Variants in EIF3H observed in about 807,000 individuals in gnomAD.
EIF3H encodes eIF-3-gamma.
In EIF3H, 26 loss-of-function variants were observed where a neutral mutation model predicts 44.2. That is an observed-to-expected ratio of 0.59 (90% CI 0.43 to 0.82). The LOEUF (loss-of-function observed/expected upper bound fraction) is 0.82, where lower values mean the gene tolerates loss of function less well. Among genes scored for constraint, EIF3H ranks in the 40% least tolerant of loss-of-function variants. The probability of loss-of-function intolerance (pLI) is 0.00; values close to 1 mark genes in which losing one functional copy is unlikely to be tolerated. For synonymous variants in EIF3H, 166 were observed against 151.9 expected, an observed-to-expected ratio of 1.09 and a Z score of -0.68; for missense variants, 359 against 432.8, an observed-to-expected ratio of 0.83 and a Z score of 1.51.
intron 5 of EIF3H, among the ~76,000 whole-genome samples, 192 bp downstream of exon 5, chr8:116,655,664 T>A (rs1382269514): frequency 3.9e-5 from 6 of 152,176 alleles, no homozygotes; most frequent in Non-Finnish European, 7.4e-5. Context: ...ATGTGTTGTT[T>A]CATGTTATCA....
At chr8:116,651,823 T>C (rs1813399194) in intron 5 of EIF3H, among the ~76,000 whole-genome samples, 1 of 152,154 alleles carries the variant, frequency 6.6e-6, no homozygotes. Flanking sequence ...CAAAGTGCAA[T>C]GACTTAAAAA....
At chr8:116,652,281 G>C (rs1483622837) in intron 5 of EIF3H, among the ~76,000 whole-genome samples, 1 of 152,146 alleles carries the variant, frequency 6.6e-6, no homozygotes, top group Non-Finnish European at 1.5e-5. Context: ...TTTGGAGGGA[G>C]GTCTTACTAC....
At chr8:116,752,909 G>T (rs960841681) in intron 1 of EIF3H, among the ~76,000 whole-genome samples, 3 of 151,946 alleles carry the variant, frequency 2.0e-5, no homozygotes, top group Non-Finnish European at 4.4e-5. Context: ...AATTGTATCT[G>T]GGCAAACGTG....
upstream of EIF3H, among the ~76,000 whole-genome samples, chr8:116,757,267 G>C (rs1291058680): frequency 1.3e-5 from 2 of 150,068 alleles, no homozygotes; most frequent in Non-Finnish European, 1.5e-5. Flanking sequence ...AGATGTAAGA[G>C]GTACAACTGA....
At chr8:116,752,671 AG>A (rs1815361753) in intron 1 of EIF3H, among the ~76,000 whole-genome samples, 1 of 38,334 alleles carries the variant, frequency 2.6e-5, no homozygotes. Flanking sequence ...AAATGAAGAA[AG>A]AAAGAAAGAA....
Position 116,726,943 on chromosome 8 carries a change from TTAA to T in EIF3H, c.133-774_133-772del, listed in dbSNP as rs528722408. On this transcript the variant is annotated intron_variant, in intron 1 of 7. Coordinates refer to ENST00000521861, the MANE Select transcript of EIF3H (RefSeq NM_003756.3). ...AGTGTTTTATAGTGCCTGGCACATATTAATAATAATAGCATTAATATTTAATAT... is the reference window on the plus strand; with the variant it reads ...AGTGTTTTATAGTGCCTGGCACATATTAATAATAGCATTAATATTTAATAT... Among the ~76,000 whole-genome samples, 62 of 152,314 alleles carry T rather than the reference TTAA, an allele frequency of 4.1e-4. 1 individual carries two copies. In the South Asian group the frequency reaches 0.012, roughly 29 times the overall value.
intron 2 of EIF3H, among the ~76,000 whole-genome samples, chr8:116,672,199 T>C (rs1439372866): frequency 6.6e-6 from 1 of 152,240 alleles, no homozygotes; most frequent in Non-Finnish European, 1.5e-5. Context: ...TGCTAAGTTT[T>C]GGTATTAGAA....
chr8:116,714,493 CA>C (rs771530019), intron 2 of EIF3H, among the ~76,000 whole-genome samples: 3 of 152,056 alleles, frequency 2.0e-5, no homozygotes, highest in Non-Finnish European at 4.4e-5. Flanking sequence ...ACTTCCCACT[CA>C]AGTAATTTGC....
chr8:116,645,057 T>C lies in EIF3H; in HGVS notation c.1008A>G (p.Gln336=). The change falls in exon 8 of 8, where the codon CAA becomes CAG. Residue 336 remains glutamine (Q), a synonymous_variant. Transcript: ENST00000521861. ...GGGCCATGAAGAGCTTGCCTAAGTT[T>C]TGGGCAGTGAACTCCTTGATGTTCT... is the stretch of plus-strand genomic sequence containing the variant. ...YCQNIKEFTA[Q]NLGKLFMAQA... The C allele has an allele frequency of 1.9e-6, 3 of 1,614,170 alleles. No individual in the cohort carries two copies. The highest frequency in any genetic ancestry group is 1.7e-6 in the Non-Finnish European group (2 of 1,180,018).
chr8:116,729,515 G>T (rs1814916367), intron 1 of EIF3H, among the ~76,000 whole-genome samples: 1 of 152,172 alleles, frequency 6.6e-6, no homozygotes, highest in Non-Finnish European at 1.5e-5. Context: ...ATTTTATGTA[G>T]TATCAATAGA....
chr8:116,732,139 C>A (rs1814960156), intron 1 of EIF3H, among the ~76,000 whole-genome samples: 1 of 152,058 alleles, frequency 6.6e-6, no homozygotes, highest in Non-Finnish European at 1.5e-5. Context: ...GTTCATTATT[C>A]AGTGCAAACT....
At chr8:116,692,349 A>AT (rs1447049591) in intron 2 of EIF3H, among the ~76,000 whole-genome samples, 1 of 152,216 alleles carries the variant, frequency 6.6e-6, no homozygotes, top group African/African-American at 2.4e-5. Flanking sequence ...TTCTCAGCAC[A>AT]TTTAAAAGAT....
chr8:116,653,602 C>A (rs1429067865), intron 5 of EIF3H, among the ~76,000 whole-genome samples: 1 of 152,136 alleles, frequency 6.6e-6, no homozygotes, highest in Non-Finnish European at 1.5e-5. Flanking sequence ...AGTGTTAAGT[C>A]TGCTCTGGCT....
At chr8:116,689,203 C>T in intron 2 of EIF3H, 1 of 378,248 alleles carries the variant, frequency 2.6e-6, no homozygotes, top group Admixed American at 3.0e-5. Context: ...TATAATTCCA[C>T]TTACATGAGT....
At chr8:116,667,162 T>G (rs1345330985) in intron 2 of EIF3H, among the ~76,000 whole-genome samples, 1 of 152,154 alleles carries the variant, frequency 6.6e-6, no homozygotes, top group African/African-American at 2.4e-5. Flanking sequence ...AACATACAAT[T>G]TGGCTCCAAG....
At chr8:116,740,411 T>A (rs967900820) in intron 1 of EIF3H, among the ~76,000 whole-genome samples, 1 of 152,122 alleles carries the variant, frequency 6.6e-6, no homozygotes. Context: ...CTACAGGAGA[T>A]GACAGGCATA....
intron 1 of EIF3H, among the ~76,000 whole-genome samples, chr8:116,743,809 C>T (rs1421760115): frequency 1.8e-3 from 160 of 90,216 alleles, no homozygotes; most frequent in African/African-American, 9.6e-3. Flanking sequence ...AACACACACA[C>T]ACACACACAC....
chr8:116,700,998 T>C (rs550316316), intron 2 of EIF3H, among the ~76,000 whole-genome samples: 1,781 of 152,302 alleles, frequency 0.012, 35 homozygotes, highest in African/African-American at 0.04. Context: ...TACTTTATTC[T>C]AATCAGTTCT....
intron 2 of EIF3H, among the ~76,000 whole-genome samples, chr8:116,725,623 A>T (rs1433449473): frequency 6.6e-6 from 1 of 152,206 alleles, no homozygotes; most frequent in Non-Finnish European, 1.5e-5. Flanking sequence ...TCTGAAGCAG[A>T]AAATTGAACT....
Sources: gnomAD v4.1 joint callset for allele counts (sites outside exome capture counted in the v4.1 genomes callset) on GRCh38, gnomAD v4.1.1 for gene constraint, MANE v1.5 for transcripts, NCBI Gene and HGNC (gene_info 2026-07-23, HGNC 2026-07-21) for gene names.